The following GALNTL6 variants were observed in gnomAD, a reference collection of about 807,000 sequenced individuals.
The protein encoded by GALNTL6 is polypeptide N-acetylgalactosaminyltransferase-like 6.
A neutral mutation model predicts 73.7 loss-of-function variants in GALNTL6; 46 were observed. That is an observed-to-expected ratio of 0.62 (90% CI 0.49 to 0.80). The LOEUF (loss-of-function observed/expected upper bound fraction) is 0.80. GALNTL6 is among the 30% of genes least tolerant of loss of function. The pLI, the probability that GALNTL6 is intolerant of heterozygous loss-of-function variation, is 0.00. For synonymous variants in GALNTL6, 259 were observed against 263.7 expected, an observed-to-expected ratio of 0.98 and a Z score of 0.17; for missense variants, 604 against 755.0, an observed-to-expected ratio of 0.80 and a Z score of 2.34.
At chr4:172,658,149 C>CAAAA (rs58279803) in intron 5 of GALNTL6, among the ~76,000 whole-genome samples, 3 of 5,020 alleles carry the variant, frequency 6.0e-4, no homozygotes, top group African/African-American at 1.4e-3. Flanking sequence ...GACTCCGTCT[C>CAAAA]AAAAAAAAAA....
intron 5 of GALNTL6, among the ~76,000 whole-genome samples, chr4:172,400,780 T>A (rs34177138): frequency 0.013 from 1,998 of 152,228 alleles, 12 homozygotes; most frequent in East Asian, 0.022. Flanking sequence ...GCATGAGGGA[T>A]TCTGACGAGT....
chr4:172,545,821 T>C (rs1003282113), intron 5 of GALNTL6: 2 of 152,176 alleles, frequency 1.3e-5, no homozygotes, highest in African/African-American at 4.8e-5. Flanking sequence ...CTAAACTGTT[T>C]AAGGAGATGC....
intron 5 of GALNTL6, among the ~76,000 whole-genome samples, chr4:172,703,907 C>T (rs1331524143): frequency 2.0e-5 from 3 of 151,922 alleles, no homozygotes; most frequent in African/African-American, 7.2e-5. Context: ...TCTGTATACT[C>T]ATGGTTCAAT....
At chr4:172,696,629 TC>T (rs1334489459) in intron 5 of GALNTL6, among the ~76,000 whole-genome samples, 2 of 152,112 alleles carry the variant, frequency 1.3e-5, no homozygotes, top group Non-Finnish European at 2.9e-5. Flanking sequence ...AAAGGGGAGT[TC>T]CCCTGCATAC....
chr4:172,157,063 T>C (rs1172861116), intron 2 of GALNTL6, among the ~76,000 whole-genome samples: 3 of 152,164 alleles, frequency 2.0e-5, no homozygotes, highest in Non-Finnish European at 2.9e-5. Context: ...ATGGGTTTGA[T>C]TTTTAGTTAG....
At chr4:171,939,121 A>C (rs1285666053) in intron 2 of GALNTL6, among the ~76,000 whole-genome samples, 1 of 151,916 alleles carries the variant, frequency 6.6e-6, no homozygotes, top group African/African-American at 2.4e-5. Context: ...ATCTAATTCC[A>C]ATAATTTCAG....
chr4:172,654,865 A>G (rs1279890333), intron 5 of GALNTL6, among the ~76,000 whole-genome samples: 1 of 152,242 alleles, frequency 6.6e-6, no homozygotes, highest in Admixed American at 6.5e-5. Context: ...TTGCTATTTT[A>G]CTGTTGCAAA....
chr4:172,830,437 TAC>T (rs1560980739), intron 7 of GALNTL6, among the ~76,000 whole-genome samples: 38 of 152,050 alleles, frequency 2.5e-4, no homozygotes, highest in African/African-American at 8.9e-4. Flanking sequence ...GTTTGTGTTA[TAC>T]TGCCACTGCC....
chr4:172,304,066 A>T (rs970193701), intron 3 of GALNTL6, among the ~76,000 whole-genome samples: 5 of 82,352 alleles, frequency 6.1e-5, no homozygotes, highest in African/African-American at 1.9e-4. Flanking sequence ...GTTTTAAATC[A>T]CAATATTCTG....
intron 5 of GALNTL6, among the ~76,000 whole-genome samples, chr4:172,758,068 ACCAGTAT>A (rs1737851319): frequency 6.6e-6 from 1 of 152,218 alleles, no homozygotes; most frequent in Non-Finnish European, 1.5e-5. Context: ...TCAAGAGGTA[ACCAGTAT>A]CATAAAGATG....
chr4:172,610,277 T>G (rs899613704), intron 5 of GALNTL6, among the ~76,000 whole-genome samples: 6 of 152,052 alleles, frequency 3.9e-5, no homozygotes, highest in Non-Finnish European at 8.8e-5. Context: ...TAGGAACACC[T>G]AGAGTGTGAT....
At chr4:172,185,421 T>C (rs776432066) in intron 2 of GALNTL6, among the ~76,000 whole-genome samples, 12 of 152,222 alleles carry the variant, frequency 7.9e-5, no homozygotes, top group Non-Finnish European at 1.6e-4. Context: ...TCAATCTTGG[T>C]AGCATAAGAT....
At chr4:171,889,565 C>T (rs1231260491) in intron 2 of GALNTL6, among the ~76,000 whole-genome samples, 1 of 152,056 alleles carries the variant, frequency 6.6e-6, no homozygotes, top group African/African-American at 2.4e-5. Context: ...GAAGATTACT[C>T]AGTTACTTTT....
At chr4:172,138,916 C>T (rs7663655) in intron 2 of GALNTL6, among the ~76,000 whole-genome samples, 56,614 of 151,706 alleles carry the variant, frequency 0.37, 10,827 homozygotes, top group Non-Finnish European at 0.42. Context: ...TTATTTCTTC[C>T]TCTACTAAAG....
chr4:173,036,415 T>C (rs1422645202), intron 12 of GALNTL6, among the ~76,000 whole-genome samples: 1 of 152,020 alleles, frequency 6.6e-6, no homozygotes, highest in Non-Finnish European at 1.5e-5. Context: ...CACATGCCAA[T>C]CAAGTCCACG....
intron 8 of GALNTL6, among the ~76,000 whole-genome samples, chr4:172,921,670 C>T (rs749089515): frequency 1.3e-5 from 2 of 151,646 alleles, no homozygotes; most frequent in Non-Finnish European, 2.9e-5. Flanking sequence ...CGGTGGGCCT[C>T]TATAATCCCA....
intron 5 of GALNTL6, among the ~76,000 whole-genome samples, chr4:172,502,772 G>A (rs1180441797): frequency 6.6e-6 from 1 of 152,102 alleles, no homozygotes; most frequent in Non-Finnish European, 1.5e-5. Context: ...TAGATTAAAC[G>A]TTAGCATCAA....
chr4:172,570,387 T>C (rs1400336267), intron 5 of GALNTL6, among the ~76,000 whole-genome samples: 6 of 152,186 alleles, frequency 3.9e-5, no homozygotes, highest in African/African-American at 1.4e-4. Context: ...AAGTGGATGC[T>C]GTTACAGTTT....
intron 7 of GALNTL6, among the ~76,000 whole-genome samples, chr4:172,862,209 G>A (rs1744427667): frequency 6.6e-6 from 1 of 152,198 alleles, no homozygotes; most frequent in Non-Finnish European, 1.5e-5. Context: ...ATAAAGTCCA[G>A]GTTGAGGTGG....
Sources: gnomAD v4.1 joint callset for allele counts (sites outside exome capture counted in the v4.1 genomes callset) on GRCh38, gnomAD v4.1.1 for gene constraint, MANE v1.5 for transcripts, NCBI Gene and HGNC (gene_info 2026-07-23, HGNC 2026-07-21) for gene names.